DISC1: variants seen among roughly 807,000 people sequenced by gnomAD.
DISC1 encodes DISC1 scaffold protein, also known as disrupted in schizophrenia 1 protein.
DISC1 carries 57 observed loss-of-function variants against 84.5 expected under a neutral mutation model. The ratio of observed to expected loss-of-function variants is 0.67; its 90% CI spans 0.55 to 0.84. The LOEUF (loss-of-function observed/expected upper bound fraction) is 0.84. Among genes scored for constraint, DISC1 ranks in the 40% least tolerant of loss-of-function variants. The pLI is 0.00. For missense variants in DISC1, 1,000 were observed against 1,057.8 expected (o/e 0.95, Z 0.76); for synonymous variants, 411 against 415.2 (o/e 0.99, Z 0.12).
intron 10 of DISC1, among the ~76,000 whole-genome samples, chr1:231,999,670 T>G (rs1238643675): frequency 6.6e-6 from 1 of 152,174 alleles, no homozygotes; most frequent in Non-Finnish European, 1.5e-5. Flanking sequence ...CTTCTTGTCC[T>G]CCAGAGTCTG....
chr1:231,838,812 G>A (rs1032396659), intron 9 of DISC1, among the ~76,000 whole-genome samples: 1 of 152,192 alleles, frequency 6.6e-6, no homozygotes, highest in Non-Finnish European at 1.5e-5. Context: ...GTGGACCCTT[G>A]TCACCGCCTG....
intron 1 of DISC1, among the ~76,000 whole-genome samples, chr1:231,693,188 C>T (rs1029123074): frequency 6.6e-6 from 1 of 152,184 alleles, no homozygotes; most frequent in African/African-American, 2.4e-5. Context: ...TGTTATTGTT[C>T]CTATTCCTAT....
chr1:231,764,146 T>C (rs1021697135), intron 4 of DISC1, among the ~76,000 whole-genome samples: 1 of 152,188 alleles, frequency 6.6e-6, no homozygotes, highest in Non-Finnish European at 1.5e-5. Flanking sequence ...ATTTGGCCTT[T>C]TTAGGATGCT....
intron 9 of DISC1, among the ~76,000 whole-genome samples, chr1:231,931,811 A>G (rs1425526536): frequency 2.6e-5 from 4 of 151,938 alleles, no homozygotes; most frequent in Non-Finnish European, 5.9e-5. Context: ...ACCATGCCAG[A>G]TAATTAAAAA....
chr1:231,878,370 A>G (rs9432040), intron 9 of DISC1, among the ~76,000 whole-genome samples: 74,587 of 151,976 alleles, frequency 0.49, 18,411 homozygotes, highest in Middle Eastern at 0.52. Flanking sequence ...CTGAGGGACA[A>G]TAGTAACAGA....
At chr1:231,687,846 A>G (rs2064486697) in intron 1 of DISC1, among the ~76,000 whole-genome samples, 1 of 152,178 alleles carries the variant, frequency 6.6e-6, no homozygotes, top group Non-Finnish European at 1.5e-5. Flanking sequence ...ACAGTTCTTC[A>G]GGTGCATGAT....
chr1:231,842,481 T>C (rs2083148712), intron 9 of DISC1, among the ~76,000 whole-genome samples: 1 of 152,226 alleles, frequency 6.6e-6, no homozygotes, highest in Admixed American at 6.5e-5. Context: ...AACAGTCTGA[T>C]ATTTCAGAAT....
intron 10 of DISC1, among the ~76,000 whole-genome samples, chr1:231,961,472 T>C (rs751789491): frequency 6.6e-6 from 1 of 152,204 alleles, no homozygotes; most frequent in Non-Finnish European, 1.5e-5. Flanking sequence ...TGGGGTATGA[T>C]TGATCCTGTC....
rs1209991211 is a variant in DISC1 at position 231,907,130 on chromosome 1, C to T, written c.1982-51698C>T. Among the ~76,000 whole-genome samples, 157 of 55,608 alleles carry T rather than the reference C, an allele frequency of 2.8e-3. 2 individuals are homozygous for T. Among genetic ancestry groups the T allele is most frequent in the African/African-American group, 0.012 (154 of 13,082 alleles). The allele number at this position is 55,608 out of a possible 152,430, so 36.5% of individuals were successfully genotyped here. ...TCTCTCCTTCCTTCCTTCCTTCCTTCCTCTTTCTTTCTTTCTTTCTTTCTT... is the reference window on the plus strand; with the variant it reads ...TCTCTCCTTCCTTCCTTCCTTCCTTTCTCTTTCTTTCTTTCTTTCTTTCTT... On this transcript the variant is annotated intron_variant, in intron 9 of 12. Coordinates refer to ENST00000439617, the MANE Select transcript of DISC1 (RefSeq NM_018662.3).
chr1:231,696,562 C>A (rs550785254), intron 2 of DISC1, among the ~76,000 whole-genome samples: 1 of 152,346 alleles, frequency 6.6e-6, no homozygotes, highest in African/African-American at 2.4e-5. Flanking sequence ...AAACATGACA[C>A]TCTCTTCAAT....
intron 1 of DISC1, among the ~76,000 whole-genome samples, chr1:231,666,463 G>A (rs2062030606): frequency 1.3e-5 from 2 of 152,094 alleles, no homozygotes; most frequent in African/African-American, 4.8e-5. Context: ...CTTCTCCCTG[G>A]CGCATAAATA....
chr1:231,984,694 C>G (rs1194492284), intron 10 of DISC1, among the ~76,000 whole-genome samples: 1 of 152,046 alleles, frequency 6.6e-6, no homozygotes, highest in African/African-American at 2.4e-5. Context: ...TACAGACATA[C>G]ATGAAGAGCT....
chr1:231,885,029 C>T (rs760757393), intron 9 of DISC1, among the ~76,000 whole-genome samples: 85 of 152,282 alleles, frequency 5.6e-4, no homozygotes, highest in Non-Finnish European at 1.1e-3. Context: ...ATTAATAGTT[C>T]ACCATGCTCA....
At chr1:231,627,734 G>A (rs765400726) in intron 1 of DISC1, among the ~76,000 whole-genome samples, 6 of 152,236 alleles carry the variant, frequency 3.9e-5, no homozygotes, top group Non-Finnish European at 8.8e-5. Flanking sequence ...GGACAGGGCT[G>A]GGTCAGTCGC....
chr1:231,861,968 C>T (rs976285002), intron 9 of DISC1, among the ~76,000 whole-genome samples: 1 of 152,164 alleles, frequency 6.6e-6, no homozygotes, highest in Non-Finnish European at 1.5e-5. Flanking sequence ...TGATTGGCAA[C>T]GTCTGGCCAT....
intron 9 of DISC1, among the ~76,000 whole-genome samples, chr1:231,931,785 A>G (rs1572143121): frequency 6.6e-6 from 1 of 151,902 alleles, no homozygotes; most frequent in Middle Eastern, 3.4e-3. Context: ...AGTACTTGGG[A>G]CCAGAGGCGT....
In DISC1 at chr1:231,657,043, G is replaced by A. The variant is rs112994692; in HGVS notation, c.67+30109G>A. 9.3e-4 allele frequency among the ~76,000 whole-genome samples: 141 copies of A among 152,254 alleles called. 1 individual carries two copies. The highest frequency in any genetic ancestry group is 3.2e-3 in the African/African-American group (134 of 41,540). On this transcript the variant is annotated intron_variant, in intron 1 of 12. Coordinates refer to ENST00000439617, the MANE Select transcript of DISC1 (RefSeq NM_018662.3). ...TATTTATCCAGTCCATCATTGATGG[G>A]CATTTAGATTGATTTTATATCTTTG...
intron 10 of DISC1, among the ~76,000 whole-genome samples, chr1:232,006,726 C>T (rs1339029607): frequency 6.6e-6 from 1 of 152,168 alleles, no homozygotes; most frequent in African/African-American, 2.4e-5. Context: ...AGGAGAAATT[C>T]AAGCTGGCTG....
chr1:231,726,614 A>T (rs200907872), intron 3 of DISC1, among the ~76,000 whole-genome samples: 6 of 152,222 alleles, frequency 3.9e-5, no homozygotes, highest in Non-Finnish European at 5.9e-5. Context: ...TTCCCTCCCT[A>T]CATAATGTAA....
Sources: gnomAD v4.1 joint callset for allele counts (sites outside exome capture counted in the v4.1 genomes callset) on GRCh38, gnomAD v4.1.1 for gene constraint, MANE v1.5 for transcripts, NCBI Gene and HGNC (gene_info 2026-07-23, HGNC 2026-07-21) for gene names.